Variants in SIK2 observed in about 807,000 individuals in gnomAD.
SIK2 encodes serine/threonine-protein kinase SIK2.
SIK2 carries 29 observed loss-of-function variants against 103.2 expected under a neutral mutation model. The ratio of observed to expected loss-of-function variants is 0.28; its 90% CI spans 0.21 to 0.38. The LOEUF (loss-of-function observed/expected upper bound fraction) is 0.38, where lower values mean the gene tolerates loss of function less well. Ranked by LOEUF, SIK2 falls within the 10% of genes least tolerant of loss-of-function variation. The pLI is 1.00. For missense variants in SIK2, 879 were observed against 1,171.0 expected, an observed-to-expected ratio of 0.75 and a Z score of 3.64; for synonymous variants, 412 against 446.1, an observed-to-expected ratio of 0.92 and a Z score of 0.96.
chr11:111,723,616 G>A lies in SIK2; in HGVS notation c.2268G>A (p.Gln756=). 1.2e-6 allele frequency: 2 copies of A among 1,614,130 alleles called. No individual in the cohort carries two copies. The highest frequency in any genetic ancestry group is 2.7e-5 in the African/African-American group (2 of 75,044). Residue 756 remains glutamine, a synonymous_variant, in exon 15 of 15, where the codon CAG becomes CAA. Coordinates refer to ENST00000304987, the MANE Select transcript of SIK2 (RefSeq NM_015191.3). ...QPSQQLPLPR[Q]ETPPPSQQAP... ...GTCAGCAGCTGCCCCTTCCCCGCCA[G>A]GAGACTCCACCGCCTTCTCAGCAGG...
chr11:111,722,768 A>C lies in SIK2; in HGVS notation c.2147+12A>C, dbSNP rs762202920. On this transcript the variant is annotated intron_variant, in intron 14 of 14. Coordinates refer to ENST00000304987, the MANE Select transcript of SIK2 (RefSeq NM_015191.3). This position sits in a 1 kb window ranked among gnomAD's most constrained non-coding sequence, Gnocchi z 4.4. ...CTGCAGGAACATAGGTGAGAAGGGG[A>C]CTTTGGCCAAAGAAGTTGCTTCCTT... is the stretch of plus-strand genomic sequence containing the variant. The C allele has an allele frequency of 6.2e-7, 1 of 1,610,664 alleles. No individual in the cohort carries two copies. The highest frequency in any genetic ancestry group is 8.5e-7 in the Non-Finnish European group (1 of 1,178,814).
chr11:111,690,769 C>G (rs1942926083), intron 4 of SIK2, among the ~76,000 whole-genome samples: 2 of 152,172 alleles, frequency 1.3e-5, no homozygotes, highest in Non-Finnish European at 2.9e-5. Flanking sequence ...TCATCCATGT[C>G]CCTGCAAAGG....
In SIK2 at chr11:111,722,107, C is replaced by G. The variant is rs1943820090; in HGVS notation, c.2055+167C>G. Among the ~76,000 whole-genome samples, 1 of 152,216 alleles carries G rather than the reference C, an allele frequency of 6.6e-6. No individual in the cohort carries two copies. Among genetic ancestry groups the G allele is most frequent in the Admixed American group, 6.5e-5 (1 of 15,282 alleles). ...GGAGTTTCTAGAAACGTGTTCAGAT[C>G]TAGCTTTGTGCTGTGTGTTGGTGGT... On this transcript the variant is annotated intron_variant, in intron 13 of 14. Coordinates refer to ENST00000304987, the MANE Select transcript of SIK2 (RefSeq NM_015191.3). This position sits in a 1 kb window ranked among gnomAD's most constrained non-coding sequence, Gnocchi z 4.4.
chr11:111,648,527 C>G (rs1942287506), intron 3 of SIK2, among the ~76,000 whole-genome samples: 1 of 152,022 alleles, frequency 6.6e-6, no homozygotes, highest in Admixed American at 6.6e-5. Flanking sequence ...TATATCACAT[C>G]AGGGATTAGA....
At chr11:111,620,593 G>A (rs1301106416) in intron 3 of SIK2, among the ~76,000 whole-genome samples, 191 bp downstream of exon 3, 1 of 152,040 alleles carries the variant, frequency 6.6e-6, no homozygotes, top group Non-Finnish European at 1.5e-5. Context: ...TATATTAAAG[G>A]TACTACTTCT....
At chr11:111,613,610 GT>G (rs1404955450) in intron 1 of SIK2, among the ~76,000 whole-genome samples, 1 of 152,028 alleles carries the variant, frequency 6.6e-6, no homozygotes, top group Non-Finnish European at 1.5e-5. Context: ...TAGGTTTGAG[GT>G]GGTCCAATAA....
chr11:111,629,802 GA>G (rs1418468358), intron 3 of SIK2, among the ~76,000 whole-genome samples: 1 of 152,046 alleles, frequency 6.6e-6, no homozygotes, highest in Non-Finnish European at 1.5e-5. Context: ...GATTAAAATT[GA>G]AAAAACTGAC....
At chr11:111,678,131 G>A (rs1195139146) in intron 3 of SIK2, among the ~76,000 whole-genome samples, 1 of 152,110 alleles carries the variant, frequency 6.6e-6, no homozygotes, top group Non-Finnish European at 1.5e-5. Flanking sequence ...TGAACGTGCT[G>A]CACCTTTTTT....
chr11:111,667,639 G>T (rs1450974744), intron 3 of SIK2, among the ~76,000 whole-genome samples: 1 of 151,870 alleles, frequency 6.6e-6, no homozygotes, highest in African/African-American at 2.4e-5. Context: ...TTACAGGCAT[G>T]TGCCCACCAC....
intron 9 of SIK2, among the ~76,000 whole-genome samples, chr11:111,713,374 T>C (rs1054435740): frequency 6.6e-5 from 10 of 152,268 alleles, no homozygotes; most frequent in Non-Finnish European, 1.0e-4. Context: ...GTGTTCAAAA[T>C]AGACCTCCTC....
chr11:111,701,375 G>A lies in SIK2; in HGVS notation c.604-77G>A. 1 of 1,538,576 alleles carries A rather than the reference G, an allele frequency of 6.5e-7. No homozygotes were observed. ...TTTTTCAGTCCATATGATTTCAAGA[G>A]CCCTGGGGATGTTCAGGAAAACAAA... On this transcript the variant is annotated intron_variant, in intron 5 of 14. Transcript: ENST00000304987. The surrounding 1 kb of genome is among the most constrained non-coding windows in gnomAD (Gnocchi z 4.2).
Position 111,687,953 on chromosome 11 carries a change from A to G in SIK2, c.317-48A>G, listed in dbSNP as rs1401126054. On this transcript the variant is annotated intron_variant, in intron 3 of 14. Coordinates refer to ENST00000304987, the MANE Select transcript of SIK2 (RefSeq NM_015191.3). The stretch of plus-strand genomic sequence containing the variant: ...AAAATTTCCTGACTACTAATAGTGG[A>G]GTTATTTTATTTTGGTGACTAATTC... The G allele has an allele frequency of 2.5e-6, 4 of 1,595,128 alleles. No homozygotes were observed. In the African/African-American group the frequency reaches 5.4e-5, roughly 22 times the overall value.
intron 3 of SIK2, among the ~76,000 whole-genome samples, chr11:111,678,623 A>T (rs1171760190): frequency 6.6e-6 from 1 of 152,218 alleles, no homozygotes; most frequent in African/African-American, 2.4e-5. Context: ...TGGCAAAAAA[A>T]ATTATGATTT....
chr11:111,708,553 A>G (rs1448268993), intron 8 of SIK2, among the ~76,000 whole-genome samples: 11 of 152,026 alleles, frequency 7.2e-5, no homozygotes, highest in Admixed American at 5.9e-4. Flanking sequence ...TTTTTTTCTC[A>G]TACATTCTAA....
At position 111,638,040 on chromosome 11, in the gene SIK2, T is replaced by A. The variant is rs543127099; in HGVS notation, c.316+17638T>A. Among the ~76,000 whole-genome samples the A allele has an allele frequency of 7.2e-5, 11 of 152,332 alleles. No individual in the cohort carries two copies. In the South Asian group the frequency reaches 2.3e-3, roughly 32 times the overall value. On this transcript the variant is annotated intron_variant, in intron 3 of 14. Coordinates refer to ENST00000304987, the MANE Select transcript of SIK2 (RefSeq NM_015191.3). ...GAGCCAGTAGAAGGGATTTTTTCACTGCTAGGGTGATCTGACTGTGTTCTT... is the reference window on the plus strand; with the variant it reads ...GAGCCAGTAGAAGGGATTTTTTCACAGCTAGGGTGATCTGACTGTGTTCTT...
chr11:111,676,769 G>A (rs1239815218), intron 3 of SIK2, among the ~76,000 whole-genome samples: 1 of 152,062 alleles, frequency 6.6e-6, no homozygotes, highest in East Asian at 1.9e-4. Flanking sequence ...TTTGACATTT[G>A]AATCCTAATT....
At chr11:111,636,996 C>G (rs1270789904) in intron 3 of SIK2, among the ~76,000 whole-genome samples, 2 of 152,186 alleles carry the variant, frequency 1.3e-5, no homozygotes, top group Non-Finnish European at 2.9e-5. Context: ...GCTAGGCTAT[C>G]TGGGAAATTG....
intron 14 of SIK2, among the ~76,000 whole-genome samples, chr11:111,723,060 C>T (rs1276367107): frequency 3.3e-5 from 5 of 152,150 alleles, no homozygotes; most frequent in African/African-American, 7.2e-5. Flanking sequence ...GTGGGGTAGG[C>T]GGCACAGGAG....
chr11:111,655,001 A>T (rs984593553), intron 3 of SIK2, among the ~76,000 whole-genome samples: 7 of 152,258 alleles, frequency 4.6e-5, no homozygotes, highest in African/African-American at 1.7e-4. Flanking sequence ...CTCTTGACAG[A>T]AAATTTAATC....
Sources: allele counts gnomAD v4.1 joint callset (sites outside exome capture counted in the v4.1 genomes callset), GRCh38; gene constraint gnomAD v4.1.1; non-coding constraint Gnocchi (gnomAD v3.1); transcripts MANE v1.5; gene names NCBI Gene and HGNC (gene_info 2026-07-23, HGNC 2026-07-21).